The following PAG1 variants were observed in gnomAD, a reference collection of about 807,000 sequenced individuals.
The protein encoded by PAG1 is phosphoprotein membrane anchor with glycosphingolipid microdomains 1, also known as phosphoprotein associated with glycosphingolipid-enriched microdomains 1.
PAG1 carries 23 observed loss-of-function variants against 31.7 expected under a neutral mutation model. The observed-to-expected ratio is 0.73, with a 90% CI of 0.52 to 1.03. The LOEUF is 1.03. Ranked by LOEUF, PAG1 falls within the 50% of genes least tolerant of loss-of-function variation. The pLI is 0.00. For missense variants in PAG1, 473 were observed against 540.7 expected (o/e 0.87, Z 1.24); for synonymous variants, 214 against 210.3 (o/e 1.02, Z -0.15).
chr8:81,040,953 C>T (rs1808544295), intron 2 of PAG1: 1 of 152,164 alleles, frequency 6.6e-6, no homozygotes, highest in Non-Finnish European at 1.5e-5. Context: ...TGTACAAAAG[C>T]ACGATGTCTA....
At position 80,974,999 on chromosome 8, in the gene PAG1, T is replaced by C. The variant is rs957100045; in HGVS notation, c.*1545A>G. The C allele has an allele frequency of 1.6e-4, 24 of 152,364 alleles. No homozygotes were observed. The highest frequency in any genetic ancestry group is 1.4e-3 in the Admixed American group (22 of 15,308). 9.4% of individuals were successfully genotyped at this position (152,364 alleles called of 1,614,324 possible). On this transcript the variant is annotated 3_prime_UTR_variant, in exon 9 of 9. Transcript: ENST00000220597. ...GTAAAATATAGGAAGAAGATTCCAATAGGCAATTTGCATTGGCAAGCACTG... is the reference window on the plus strand; with the variant it reads ...GTAAAATATAGGAAGAAGATTCCAACAGGCAATTTGCATTGGCAAGCACTG...
chr8:81,033,410 G>A (rs1177298623), intron 2 of PAG1, among the ~76,000 whole-genome samples: 2 of 152,092 alleles, frequency 1.3e-5, no homozygotes, highest in African/African-American at 4.8e-5. Context: ...GAGATAATTA[G>A]GTTATCAGGG....
chr8:81,018,613 T>A (rs1808111171), intron 3 of PAG1, among the ~76,000 whole-genome samples: 1 of 152,360 alleles, frequency 6.6e-6, no homozygotes, highest in East Asian at 1.9e-4. Flanking sequence ...CTGATGTTTT[T>A]ATAAATGGGA....
chr8:81,029,124 C>G (rs551676747), intron 3 of PAG1, among the ~76,000 whole-genome samples: 1 of 152,288 alleles, frequency 6.6e-6, no homozygotes, highest in Admixed American at 6.5e-5. Flanking sequence ...TAAAACAAGA[C>G]AGCTTTTAGC....
At chr8:81,013,710 G>A (rs1186469492) in intron 3 of PAG1, among the ~76,000 whole-genome samples, 2 of 152,156 alleles carry the variant, frequency 1.3e-5, no homozygotes, top group Non-Finnish European at 2.9e-5. Context: ...CTCTGGAGTA[G>A]CTGGGATTAT....
chr8:81,066,507 A>G (rs1170557086), intron 2 of PAG1, among the ~76,000 whole-genome samples: 1 of 152,164 alleles, frequency 6.6e-6, no homozygotes, highest in Non-Finnish European at 1.5e-5. Flanking sequence ...TTTAAGAGGA[A>G]AAATCAATAC....
intron 3 of PAG1, among the ~76,000 whole-genome samples, chr8:80,994,055 C>CCCCACTGCCATCTCTCATCTCCCTAA (rs1299744569): frequency 1.3e-5 from 2 of 150,778 alleles, no homozygotes; most frequent in East Asian, 2.0e-4. Flanking sequence ...TGCCCCTGCC[C>CCCCACTGCCATCTCTCATCTCCCTAA]CCCACTGCCA....
At chr8:80,989,682 A>G (rs1316103865) in intron 5 of PAG1, among the ~76,000 whole-genome samples, 1 of 152,168 alleles carries the variant, frequency 6.6e-6, no homozygotes, top group African/African-American at 2.4e-5. Flanking sequence ...TATCTCGCCC[A>G]GGGCTGCTGC....
intron 8 of PAG1, among the ~76,000 whole-genome samples, chr8:80,979,933 T>TGATCCA (rs1325523820): frequency 6.6e-6 from 1 of 152,322 alleles, no homozygotes; most frequent in East Asian, 1.9e-4. Context: ...TGTTGGCTGC[T>TGATCCA]ATGTCTGACC....
chr8:81,049,040 T>C (rs1159568134), intron 2 of PAG1, among the ~76,000 whole-genome samples: 3 of 152,216 alleles, frequency 2.0e-5, no homozygotes, highest in East Asian at 3.8e-4. Flanking sequence ...AGTGCTAGCA[T>C]ACAATCATTA....
At chr8:81,001,295 C>A (rs920985) in intron 3 of PAG1, among the ~76,000 whole-genome samples, 151,853 of 152,392 alleles carry the variant, frequency 1, 75,662 homozygotes, top group East Asian at 1. Flanking sequence ...TGTGTGGCAC[C>A]CAGTAGGCAC....
At chr8:81,045,735 C>G (rs1240156367) in intron 2 of PAG1, among the ~76,000 whole-genome samples, 1 of 152,220 alleles carries the variant, frequency 6.6e-6, no homozygotes, top group Non-Finnish European at 1.5e-5. Flanking sequence ...AAGAGTGGTT[C>G]ATTCAACCCA....
chr8:81,081,070 A>G lies in PAG1; in HGVS notation c.-233-10900T>C, dbSNP rs533749958. ...ACTACTCATCAGGGCAAATCATTCC[A>G]CCTCCCTGCGTCTCAGTGTTCTTCT... On this transcript the variant is annotated intron_variant, in intron 1 of 8. Transcript: ENST00000220597. Among the ~76,000 whole-genome samples the G allele has an allele frequency of 3.3e-5, 5 of 152,108 alleles. No individual in the cohort carries two copies. The East Asian group carries it at 9.7e-4, about 29-fold the overall frequency.
chr8:81,077,982 T>C (rs575812670), intron 1 of PAG1, among the ~76,000 whole-genome samples: 62 of 152,210 alleles, frequency 4.1e-4, no homozygotes, highest in African/African-American at 1.4e-3. Context: ...CCCACGTAAA[T>C]GAAATAGATC....
intron 1 of PAG1, among the ~76,000 whole-genome samples, chr8:81,102,011 A>C (rs1013799114): frequency 5.3e-5 from 8 of 152,174 alleles, no homozygotes; most frequent in African/African-American, 1.9e-4. Flanking sequence ...CAGTAGTGTC[A>C]AATCACCTGA....
rs138078826 is a variant in PAG1 at position 81,042,575 on chromosome 8, T to C, written c.-174-12486A>G. 8.6e-3 allele frequency among the ~76,000 whole-genome samples: 1,297 copies of C among 150,366 alleles called. 12 individuals carry two copies. Among genetic ancestry groups the C allele is most frequent in the African/African-American group, 0.031 (1,229 of 39,878 alleles). ...ACGTCATTTTCTTCTATGAGTTCCC[T>C]TTCTTTAACTTTTTGTTCAGGCTAG... On this transcript the variant is annotated intron_variant, in intron 2 of 8. Transcript: ENST00000220597.
chr8:81,071,648 T>C (rs1276556275), intron 1 of PAG1, among the ~76,000 whole-genome samples: 2 of 151,902 alleles, frequency 1.3e-5, no homozygotes, highest in Admixed American at 6.6e-5. Context: ...CAAATCTGTT[T>C]AATAAACACT....
chr8:81,072,533 A>G (rs1809110880), intron 1 of PAG1, among the ~76,000 whole-genome samples: 1 of 152,190 alleles, frequency 6.6e-6, no homozygotes, highest in Admixed American at 6.5e-5. Flanking sequence ...TCTAAAATGA[A>G]TGATGACTTA....
intron 2 of PAG1, among the ~76,000 whole-genome samples, chr8:81,046,333 T>C (rs1414084370): frequency 6.6e-6 from 1 of 152,232 alleles, no homozygotes; most frequent in Non-Finnish European, 1.5e-5. Context: ...GCAGGCATCC[T>C]GGTGTTTATC....
Sources: gnomAD v4.1 joint callset for allele counts (sites outside exome capture counted in the v4.1 genomes callset) on GRCh38, gnomAD v4.1.1 for gene constraint, MANE v1.5 for transcripts, NCBI Gene and HGNC (gene_info 2026-07-23, HGNC 2026-07-21) for gene names.